Variants in GSE1 observed in about 807,000 individuals in gnomAD.
GSE1 encodes genetic suppressor element 1.
GSE1 carries 32 observed loss-of-function variants against 112.6 expected under a neutral mutation model. The ratio of observed to expected loss-of-function variants is 0.28; its 90% CI spans 0.21 to 0.38. The LOEUF is 0.38. Among genes scored for constraint, GSE1 ranks in the 10% least tolerant of loss-of-function variants. The probability of loss-of-function intolerance (pLI) is 1.00; values close to 1 mark genes in which losing one functional copy is unlikely to be tolerated. For synonymous variants in GSE1, 1,115 were observed against 735.6 expected, an observed-to-expected ratio of 1.52 and a Z score of -8.35; for missense variants, 2,348 against 1,699.2, an observed-to-expected ratio of 1.38 and a Z score of -6.71.
At chr16:85,304,145 G>A (rs1182142481) in intron 1 of GSE1, among the ~76,000 whole-genome samples, 1 of 152,304 alleles carries the variant, frequency 6.6e-6, no homozygotes, top group South Asian at 2.1e-4. Flanking sequence ...TTTCTGCACC[G>A]CATCCCATTG....
rs565358652 is a variant in GSE1, at chr16:85,180,377, C to G, written c.2283+8570C>G. On this transcript the variant is annotated intron_variant, in intron 1 of 2. Coordinates refer to the GSE1 transcript ENST00000637419. ...CCCCTCAAAGGTCACCCACCGAGGC[C>G]ACGCTATCCTGCCCATCATTAGTGT... is the stretch of plus-strand genomic sequence containing the variant. Among the ~76,000 whole-genome samples the G allele has an allele frequency of 3.9e-5, 6 of 152,344 alleles. No individual in the cohort carries two copies. The South Asian group carries it at 1.2e-3, about 32-fold the overall frequency.
intron 1 of GSE1, among the ~76,000 whole-genome samples, chr16:85,310,650 C>T (rs2045813645): frequency 6.6e-6 from 1 of 152,132 alleles, no homozygotes; most frequent in Admixed American, 6.5e-5. Flanking sequence ...CCATCCCAGG[C>T]TGGCAGGGAG....
chr16:85,195,060 A>G (rs2074900929), intron 1 of GSE1, among the ~76,000 whole-genome samples: 1 of 152,014 alleles, frequency 6.6e-6, no homozygotes, highest in African/African-American at 2.4e-5. Context: ...ACCTGTTCAG[A>G]CTCCACCATC....
At chr16:85,508,120 C>T (rs1296757128) in intron 2 of GSE1, among the ~76,000 whole-genome samples, 4 of 152,122 alleles carry the variant, frequency 2.6e-5, no homozygotes, top group East Asian at 1.9e-4. Flanking sequence ...CTGCAATGTC[C>T]GTCCTCGGGT....
intron 1 of GSE1, among the ~76,000 whole-genome samples, chr16:85,246,435 AC>A (rs1905794230): frequency 1.9e-4 from 1 of 5,338 alleles, no homozygotes; most frequent in African/African-American, 1.3e-3. Context: ...CATGCTCTCT[AC>A]ACACACACAC....
At position 85,177,687 on chromosome 16, in the gene GSE1, G is replaced by T. The variant is rs114961941; in HGVS notation, c.2283+5880G>T. ...GAAAACGTCTTGTGATTTATTGGCA[G>T]TCTCTGCTGTGAGGCTAAGAACGGG... On this transcript the variant is annotated intron_variant, in intron 1 of 2. Transcript: ENST00000637419. Among the ~76,000 whole-genome samples the T allele has an allele frequency of 7.6e-3, 1,164 of 152,338 alleles. 14 individuals are homozygous for T. The highest frequency in any genetic ancestry group is 0.027 in the African/African-American group (1,125 of 41,560).
chr16:85,555,667 C>A, upstream of GSE1: 1 of 925,640 alleles, frequency 1.1e-6, no homozygotes, highest in Non-Finnish European at 1.3e-6. Context: ...GAGATACCCC[C>A]TCCCGCCGCC....
intron 2 of GSE1, among the ~76,000 whole-genome samples, chr16:85,398,268 G>C (rs1323685647): frequency 2.6e-5 from 4 of 152,180 alleles, no homozygotes; most frequent in Non-Finnish European, 4.4e-5. Flanking sequence ...AAGTGGAGAA[G>C]GAATGTTAAC....
intron 1 of GSE1, among the ~76,000 whole-genome samples, chr16:85,310,951 GC>G (rs1447535771): frequency 6.6e-6 from 1 of 151,978 alleles, no homozygotes; most frequent in Non-Finnish European, 1.5e-5. Flanking sequence ...GGACAGCAGG[GC>G]CCCCCGCCGC....
At chr16:85,280,290 G>C (rs963188828) in intron 1 of GSE1, among the ~76,000 whole-genome samples, 1 of 152,140 alleles carries the variant, frequency 6.6e-6, no homozygotes, top group Admixed American at 6.5e-5. Context: ...ACCAGTCCAG[G>C]GTGAGGCTTC....
chr16:85,258,189 G>A (rs939504828), intron 1 of GSE1, among the ~76,000 whole-genome samples: 2 of 152,230 alleles, frequency 1.3e-5, no homozygotes, highest in Non-Finnish European at 2.9e-5. Context: ...AGAAGGGACA[G>A]AGTTGGGCTG....
intron 1 of GSE1, among the ~76,000 whole-genome samples, chr16:85,318,086 G>T (rs1455062600): frequency 6.6e-6 from 1 of 152,232 alleles, no homozygotes; most frequent in Non-Finnish European, 1.5e-5. Context: ...CATGGTGGTG[G>T]GGCAGGGACC....
intron 3 of GSE1, among the ~76,000 whole-genome samples, chr16:85,653,881 A>G (rs1251931897): frequency 6.6e-6 from 1 of 152,176 alleles, no homozygotes; most frequent in Non-Finnish European, 1.5e-5. Flanking sequence ...CTGGGTGCCA[A>G]CGGTGTCTGC....
At chr16:85,623,253 C>T (rs1425709230) in intron 1 of GSE1, among the ~76,000 whole-genome samples, 1 of 148,104 alleles carries the variant, frequency 6.8e-6, no homozygotes, top group Non-Finnish European at 1.5e-5. Flanking sequence ...CTCGCTCTGT[C>T]ACCTACATTG....
upstream of GSE1, among the ~76,000 whole-genome samples, chr16:85,552,915 C>T (rs2044996466): frequency 6.6e-6 from 1 of 152,260 alleles, no homozygotes; most frequent in Non-Finnish European, 1.5e-5. Flanking sequence ...TTTATGGCTC[C>T]TGCCATTAGC....
Position 85,500,439 on chromosome 16 carries a change from C to G in GSE1, c.2465-133475C>G, listed in dbSNP as rs576127213. ...CACTCGGCACTTCAAAAGCAGCTCC[C>G]CACTGACATGTGCACAGCCCAGCCT... is the stretch of plus-strand genomic sequence containing the variant. On this transcript the variant is annotated intron_variant, in intron 2 of 2. Coordinates refer to the GSE1 transcript ENST00000637419. 2.6e-5 allele frequency among the ~76,000 whole-genome samples: 4 copies of G among 152,332 alleles called. No individual in the cohort carries two copies. The East Asian group carries it at 7.7e-4, about 29-fold the overall frequency.
rs116500574 is a variant in GSE1, at chr16:85,456,969, C to T, written c.2464+99326C>T. ...TGCTAAGTCACAAGAGACCAACTCC[C>T]GACAGAAGAGCTGACCAAGGGCTTC... On this transcript the variant is annotated intron_variant, in intron 2 of 2. Coordinates refer to the GSE1 transcript ENST00000637419. Among the ~76,000 whole-genome samples, 1,327 of 152,270 alleles carry T rather than the reference C, an allele frequency of 8.7e-3. 19 individuals carry two copies. Among genetic ancestry groups the T allele is most frequent in the African/African-American group, 0.031 (1,277 of 41,552 alleles).
intron 1 of GSE1, among the ~76,000 whole-genome samples, chr16:85,590,794 T>G (rs1343062029): frequency 1.3e-5 from 2 of 152,206 alleles, no homozygotes; most frequent in African/African-American, 4.8e-5. Flanking sequence ...GCACCACCAT[T>G]TGGCTCTGTG....
intron 1 of GSE1, among the ~76,000 whole-genome samples, chr16:85,215,418 G>T (rs117579125): frequency 6.6e-6 from 1 of 152,132 alleles, no homozygotes; most frequent in Non-Finnish European, 1.5e-5. Context: ...AGGGTTGTGG[G>T]GGGGCCAGGG....
Sources: allele counts gnomAD v4.1 joint callset (sites outside exome capture counted in the v4.1 genomes callset), GRCh38; gene constraint gnomAD v4.1.1; transcripts MANE v1.5; gene names NCBI Gene and HGNC (gene_info 2026-07-23, HGNC 2026-07-21).